ERBB4: variants seen among roughly 807,000 people sequenced by gnomAD.
ERBB4 encodes the protein receptor tyrosine-protein kinase erbB-4.
A neutral mutation model predicts 158.0 loss-of-function variants in ERBB4; 42 were observed. The observed-to-expected ratio is 0.27, with a 90% CI of 0.21 to 0.34. ERBB4 has a LOEUF of 0.34. Ranked by LOEUF, ERBB4 falls within the 10% of genes least tolerant of loss-of-function variation. The probability of loss-of-function intolerance (pLI) is 1.00; values close to 1 mark genes in which losing one functional copy is unlikely to be tolerated. For missense variants in ERBB4, 1,333 were observed against 1,624.1 expected (o/e 0.82, Z 3.08); for synonymous variants, 583 against 558.7 (o/e 1.04, Z -0.61).
chr2:211,622,265 A>G (rs1421952488), intron 18 of ERBB4, among the ~76,000 whole-genome samples: 2 of 152,190 alleles, frequency 1.3e-5, no homozygotes, highest in East Asian at 1.9e-4. Flanking sequence ...TTTTTCTAGC[A>G]CAATCTAAAT....
intron 3 of ERBB4, among the ~76,000 whole-genome samples, chr2:211,895,984 T>G (rs1200913632): frequency 3.3e-5 from 5 of 152,132 alleles, no homozygotes; most frequent in African/African-American, 1.2e-4. Flanking sequence ...AGTCATTCCT[T>G]TGGTCTCCCT....
chr2:211,558,293 T>C (rs1447915726), intron 20 of ERBB4, among the ~76,000 whole-genome samples: 1 of 152,174 alleles, frequency 6.6e-6, no homozygotes, highest in Non-Finnish European at 1.5e-5. Context: ...CATTCCTCAA[T>C]GCATGGTCCC....
chr2:211,713,624 GA>G lies in ERBB4; in HGVS notation c.907del (p.Ser303LeufsTer13). 6.3e-7 allele frequency: 1 copy of G among 1,582,180 alleles called. No individual in the cohort carries two copies. The highest frequency in any genetic ancestry group is 8.6e-7 in the Non-Finnish European group (1 of 1,162,310). ...CPHNFVVDSS[S>X]CVRACPSSKM... ...GGAACTAGGGCAGGCACGCACACAAGAACTGGAATCTACCACAAAGTTATCT... is the reference window on the plus strand; with the variant it reads ...GGAACTAGGGCAGGCACGCACACAAGACTGGAATCTACCACAAAGTTATCT... On this transcript the variant is annotated frameshift_variant, in exon 8 of 28. Transcript: ENST00000342788. LOFTEE classifies it high-confidence loss of function.
intron 20 of ERBB4, among the ~76,000 whole-genome samples, chr2:211,493,060 T>G (rs752537240): frequency 6.6e-6 from 1 of 152,124 alleles, no homozygotes; most frequent in Admixed American, 6.5e-5. Context: ...CCCAGAGAGA[T>G]GGAGTCACTC....
intron 1 of ERBB4, among the ~76,000 whole-genome samples, chr2:212,269,284 C>T (rs2085258918): frequency 6.6e-6 from 1 of 151,850 alleles, no homozygotes; most frequent in South Asian, 2.1e-4. Context: ...CCCCAGGAAG[C>T]TATATGCCAG....
chr2:212,260,690 G>T (rs188160288), intron 1 of ERBB4, among the ~76,000 whole-genome samples: 65 of 152,164 alleles, frequency 4.3e-4, no homozygotes, highest in Admixed American at 1.0e-3. Context: ...GCGGGTGCTT[G>T]CAATCCAAGC....
At chr2:212,305,728 C>A (rs1240582800) in intron 1 of ERBB4, among the ~76,000 whole-genome samples, 1 of 151,314 alleles carries the variant, frequency 6.6e-6, no homozygotes, top group Non-Finnish European at 1.5e-5. Context: ...GATAAAAATA[C>A]ATTTTAAAAG....
At chr2:212,082,487 C>A (rs982651159) in intron 2 of ERBB4, among the ~76,000 whole-genome samples, 10 of 151,942 alleles carry the variant, frequency 6.6e-5, no homozygotes, top group Non-Finnish European at 1.0e-4. Flanking sequence ...CATACTTTGG[C>A]ACAGTAAAAT....
In ERBB4 at chr2:212,388,069, A is replaced by T. The variant is rs372409729; in HGVS notation, c.82+150380T>A. Among the ~76,000 whole-genome samples, 11 of 152,200 alleles carry T rather than the reference A, an allele frequency of 7.2e-5. No individual in the cohort carries two copies. The East Asian group carries it at 1.2e-3, about 16-fold the overall frequency. On this transcript the variant is annotated intron_variant, in intron 1 of 27. Transcript: ENST00000342788. ...TTGAATATGCCGTTAGAGAGAATAT[A>T]ATGCTTCTATATAGATCCCTTGATA... is the stretch of plus-strand genomic sequence containing the variant.
chr2:212,105,651 G>T lies in ERBB4; in HGVS notation c.234+19101C>A, dbSNP rs111696304. Among the ~76,000 whole-genome samples, 1,054 of 152,284 alleles carry T rather than the reference G, an allele frequency of 6.9e-3. 6 individuals are homozygous for T. Among genetic ancestry groups the T allele is most frequent in the Middle Eastern group, 0.027 (8 of 294 alleles). Reference sequence around the variant, plus strand: ...AAATAACATAGTTGCATGTGAATATGACAATTATGAAAACAATCTAATATC... The same window carrying T: ...AAATAACATAGTTGCATGTGAATATTACAATTATGAAAACAATCTAATATC... On this transcript the variant is annotated intron_variant, in intron 2 of 27. Coordinates refer to ENST00000342788, the MANE Select transcript of ERBB4 (RefSeq NM_005235.3).
chr2:212,448,223 A>G (rs1413239918), intron 1 of ERBB4, among the ~76,000 whole-genome samples: 1 of 152,204 alleles, frequency 6.6e-6, no homozygotes, highest in African/African-American at 2.4e-5. Context: ...GCATGTGTCA[A>G]ATCTAAATCT....
chr2:212,443,061 T>C (rs1392165495), intron 1 of ERBB4, among the ~76,000 whole-genome samples: 2 of 152,254 alleles, frequency 1.3e-5, no homozygotes, highest in Admixed American at 1.3e-4. Flanking sequence ...TCCTGGTACC[T>C]GGTATGCAGC....
At chr2:212,328,911 A>G (rs2087994129) in intron 1 of ERBB4, among the ~76,000 whole-genome samples, 1 of 152,026 alleles carries the variant, frequency 6.6e-6, no homozygotes, top group African/African-American at 2.4e-5. Flanking sequence ...TTTAGTGCTG[A>G]CTAGGGCCAA....
chr2:212,429,671 C>G (rs747925949), intron 1 of ERBB4, among the ~76,000 whole-genome samples: 3 of 152,092 alleles, frequency 2.0e-5, no homozygotes, highest in African/African-American at 2.4e-5. Context: ...AACTGAGGCA[C>G]AGAGAGGTAA....
intron 1 of ERBB4, among the ~76,000 whole-genome samples, chr2:212,382,120 T>A (rs754307994): frequency 3.3e-5 from 5 of 150,582 alleles, no homozygotes; most frequent in Admixed American, 1.3e-4. Context: ...TACACACACA[T>A]ACATATACAC....
chr2:212,504,411 G>A (rs1424989805), intron 1 of ERBB4, among the ~76,000 whole-genome samples: 1 of 151,134 alleles, frequency 6.6e-6, no homozygotes, highest in Middle Eastern at 3.2e-3. Flanking sequence ...AATCACACTG[G>A]AATTACTTAA....
rs542977449 is a variant in ERBB4 at position 211,705,299 on chromosome 2, T to C, written c.1198+19A>G. 7.2e-6 allele frequency: 11 copies of C among 1,527,690 alleles called. No individual in the cohort carries two copies. The highest frequency in any genetic ancestry group is 1.4e-5 in the African/African-American group (1 of 73,246). 94.6% of individuals were successfully genotyped at this position (1,527,690 alleles called of 1,614,324 possible). On this transcript the variant is annotated intron_variant, in intron 10 of 27. Coordinates refer to ENST00000342788, the MANE Select transcript of ERBB4 (RefSeq NM_005235.3). ...AATTATATTGTTCATAGCGCAACAG[T>C]TGCAGTTTAAAAAATTACCTGTTAT...
At chr2:211,773,648 A>ATATAAT (rs1411130961) in intron 4 of ERBB4, among the ~76,000 whole-genome samples, 1 of 71,906 alleles carries the variant, frequency 1.4e-5, no homozygotes. Context: ...ATATATATAT[A>ATATAAT]ATATATATAC....
chr2:212,260,539 G>A (rs1322447861), intron 1 of ERBB4, among the ~76,000 whole-genome samples: 4 of 152,114 alleles, frequency 2.6e-5, no homozygotes, highest in African/African-American at 7.2e-5. Context: ...GGCCCTCTGC[G>A]CAGTGGCTCA....
Sources: allele counts gnomAD v4.1 joint callset (sites outside exome capture counted in the v4.1 genomes callset), GRCh38; gene constraint gnomAD v4.1.1; transcripts MANE v1.5; gene names NCBI Gene and HGNC (gene_info 2026-07-23, HGNC 2026-07-21).